The following TPO variants were observed in gnomAD, a reference collection of about 807,000 sequenced individuals.
TPO encodes thyroid peroxidase.
TPO carries 78 observed loss-of-function variants against 96.9 expected under a neutral mutation model. That is an observed-to-expected ratio of 0.81 (90% CI 0.67 to 0.97). The LOEUF is 0.97. Ranked by LOEUF, TPO falls within the 50% of genes least tolerant of loss-of-function variation. TPO has a pLI of 0.00. For missense variants in TPO, 1,252 were observed against 1,274.8 expected (o/e 0.98, Z 0.27); for synonymous variants, 547 against 538.0 (o/e 1.02, Z -0.23).
At chr2:1,541,362 G>GT (rs78541132) in intron 16 of TPO, 38,044 of 200,412 alleles carry the variant, frequency 0.19, 2,856 homozygotes, top group African/African-American at 0.25. Context: ...AAAACAATAG[G>GT]TTTTTTTTTT....
intron 2 of TPO, among the ~76,000 whole-genome samples, chr2:1,417,122 C>T (rs1164645714): frequency 2.0e-5 from 3 of 152,276 alleles, no homozygotes; most frequent in East Asian, 3.8e-4. Flanking sequence ...CACACATCCT[C>T]ATACTTGAAG....
chr2:1,503,869 C>G, intron 13 of TPO, 79 bp from the exon 14 acceptor site: 4 of 1,612,218 alleles, frequency 2.5e-6, no homozygotes, highest in South Asian at 1.1e-5. Flanking sequence ...AGAGAAGCAC[C>G]TCCCAGAACG....
chr2:1,404,092 G>T (rs1197494666), intron 1 of TPO, among the ~76,000 whole-genome samples: 1 of 152,240 alleles, frequency 6.6e-6, no homozygotes. Context: ...CACAGATCAT[G>T]CCAAAGGTAA....
At chr2:1,381,315 A>T (rs1661808689) in intron 1 of TPO, among the ~76,000 whole-genome samples, 1 of 152,242 alleles carries the variant, frequency 6.6e-6, no homozygotes, top group Admixed American at 6.5e-5. Flanking sequence ...TTTACAAGAA[A>T]AAAACAACCC....
chr2:1,389,139 C>T (rs1337655583), intron 1 of TPO, among the ~76,000 whole-genome samples: 1 of 152,046 alleles, frequency 6.6e-6, no homozygotes, highest in Non-Finnish European at 1.5e-5. Flanking sequence ...TCAGGAGGGG[C>T]AGGGCCTGGC....
At chr2:1,434,650 A>T (rs1411856681) in intron 4 of TPO, among the ~76,000 whole-genome samples, 1 of 152,204 alleles carries the variant, frequency 6.6e-6, no homozygotes, top group Non-Finnish European at 1.5e-5. Flanking sequence ...TTAGAGCCAC[A>T]TGCTCACTGC....
chr2:1,487,738 C>CAA lies in TPO; in HGVS notation c.1598-70_1598-69dup, dbSNP rs72230434. 3,599 of 1,321,796 alleles carry CAA rather than the reference C, an allele frequency of 2.7e-3. 1 individual carries two copies. Among genetic ancestry groups the CAA allele is most frequent in the African/African-American group, 5.5e-3 (365 of 66,246 alleles). The allele number at this position is 1,321,796 out of a possible 1,614,324, so 81.9% of individuals were successfully genotyped here. A position where few individuals can be genotyped will look rare whatever the true frequency, so the allele number is the denominator to read the frequency against. ...CAACAGAAAGAATGAGACTCCGTCT[C>CAA]AAAAAAAAAAAAAATTGAGATATTG... On this transcript the variant is annotated intron_variant, in intron 9 of 16. Coordinates refer to ENST00000329066, the MANE Select transcript of TPO (RefSeq NM_001206744.2).
At chr2:1,467,269 A>G (rs1322299112) in intron 7 of TPO, among the ~76,000 whole-genome samples, 2 of 151,944 alleles carry the variant, frequency 1.3e-5, no homozygotes, top group African/African-American at 4.8e-5. Context: ...ATGCCCAGCT[A>G]ATCTTTTGTA....
chr2:1,416,592 G>A (rs1247373345), intron 2 of TPO, among the ~76,000 whole-genome samples: 3 of 152,170 alleles, frequency 2.0e-5, no homozygotes, highest in Non-Finnish European at 4.4e-5. Flanking sequence ...GACACATCAC[G>A]AGTGCACAGG....
At position 1,436,332 on chromosome 2, in the gene TPO, A is replaced by G; in HGVS notation, c.430A>G (p.Asn144Asp). 6.2e-7 allele frequency: 1 copy of G among 1,614,188 alleles called. No homozygotes were observed. Among genetic ancestry groups the G allele is most frequent in the Non-Finnish European group, 8.5e-7 (1 of 1,180,022 alleles). The stretch of plus-strand genomic sequence containing the variant: ...TTACATGCTGCCCCCAAAATGCCCA[A>G]ACACTTGCCTGGCGAACAAATACAG... ...LPYMLPPKCP[N>D]TCLANKYRPI... Residue 144 changes from asparagine (N) to aspartate (D), a missense_variant, in exon 5 of 17, where the codon AAC (asparagine) becomes GAC (aspartate). Physicochemically the swap from Asn to Asp is conservative, Grantham distance 23. Coordinates refer to ENST00000329066, the MANE Select transcript of TPO (RefSeq NM_001206744.2).
intron 2 of TPO, among the ~76,000 whole-genome samples, chr2:1,416,724 C>T (rs996513684): frequency 2.6e-5 from 4 of 152,248 alleles, no homozygotes; most frequent in Non-Finnish European, 5.9e-5. Flanking sequence ...ATGTGTCTCA[C>T]AGTATTTCTA....
chr2:1,479,208 C>T (rs1404496651), intron 8 of TPO, among the ~76,000 whole-genome samples: 1 of 152,214 alleles, frequency 6.6e-6, no homozygotes, highest in Non-Finnish European at 1.5e-5. Flanking sequence ...GGAGGCAGGT[C>T]CCAGACGGCT....
intron 14 of TPO, among the ~76,000 whole-genome samples, chr2:1,509,414 C>T (rs184474703): frequency 1.3e-5 from 2 of 150,592 alleles, no homozygotes; most frequent in Non-Finnish European, 2.9e-5. Context: ...TTCAGGGACA[C>T]CACACCCTCT....
chr2:1,529,667 C>A (rs1677561214), intron 15 of TPO, among the ~76,000 whole-genome samples: 1 of 60,834 alleles, frequency 1.6e-5, no homozygotes, highest in Non-Finnish European at 3.2e-5. Context: ...TCCTATCACC[C>A]CCACTGTGTG....
At chr2:1,483,787 C>T (rs1294095995) in intron 8 of TPO, among the ~76,000 whole-genome samples, 1 of 152,168 alleles carries the variant, frequency 6.6e-6, no homozygotes, top group East Asian at 1.9e-4. Context: ...AGGCCCAGGC[C>T]ACACAAGACT....
chr2:1,537,243 GAACCACCTCAAATCCCCCCACTGTGTGC>G (rs1679954326), intron 15 of TPO, among the ~76,000 whole-genome samples: 1 of 14,344 alleles, frequency 7.0e-5, no homozygotes, highest in South Asian at 2.3e-3. Context: ...CAACTGTTTC[GAACCACCTCAAATCCCCCCACTGTGTGC>G]AACCTCCCCA....
At chr2:1,422,025 C>CG (rs1663602664) in intron 2 of TPO, among the ~76,000 whole-genome samples, 1 of 152,180 alleles carries the variant, frequency 6.6e-6, no homozygotes, top group Admixed American at 6.5e-5. Context: ...AGCCCCACAC[C>CG]GGGGGGCTCT....
At chr2:1,480,424 T>G (rs1171554406) in intron 8 of TPO, among the ~76,000 whole-genome samples, 3 of 152,164 alleles carry the variant, frequency 2.0e-5, no homozygotes, top group African/African-American at 7.2e-5. Flanking sequence ...TCCCTGGTTC[T>G]ACCGACTCGT....
intron 10 of TPO, among the ~76,000 whole-genome samples, chr2:1,492,700 A>T (rs1245193915): frequency 6.6e-6 from 1 of 152,042 alleles, no homozygotes; most frequent in Non-Finnish European, 1.5e-5. Flanking sequence ...CCTGGGGGGA[A>T]CCAGCCCAGT....
Sources: gnomAD v4.1 joint callset for allele counts (sites outside exome capture counted in the v4.1 genomes callset) on GRCh38, gnomAD v4.1.1 for gene constraint, MANE v1.5 for transcripts, NCBI Gene and HGNC (gene_info 2026-07-23, HGNC 2026-07-21) for gene names.